Variants in AMN1 observed in about 807,000 individuals in gnomAD.
The protein encoded by AMN1 is protein AMN1 homolog.
Under a neutral mutation model 33.0 loss-of-function variants are expected in AMN1, and 20 were observed. The ratio of observed to expected loss-of-function variants is 0.61; its 90% confidence interval spans 0.43 to 0.88. The LOEUF is 0.88. Among genes scored for constraint, AMN1 ranks in the 40% least tolerant of loss-of-function variants. The probability of loss-of-function intolerance (pLI) is 0.00; values close to 1 mark genes in which losing one functional copy is unlikely to be tolerated. For synonymous variants in AMN1, 114 were observed against 111.9 expected (o/e 1.02, Z -0.12); for missense variants, 246 against 307.4 (o/e 0.80, Z 1.49).
At chr12:31,721,432 T>C (rs1277860798) in intron 1 of AMN1, among the ~76,000 whole-genome samples, 1 of 152,152 alleles carries the variant, frequency 6.6e-6, no homozygotes, top group Non-Finnish European at 1.5e-5. Flanking sequence ...CACTCTGCAT[T>C]CCCCACACTT....
chr12:31,678,522 G>A (rs1020252662), intron 6 of AMN1, among the ~76,000 whole-genome samples: 11 of 151,526 alleles, frequency 7.3e-5, no homozygotes, highest in Non-Finnish European at 1.0e-4. Flanking sequence ...TCAGTCTCCC[G>A]AGTAGCTGGG....
intron 1 of AMN1, among the ~76,000 whole-genome samples, chr12:31,716,433 C>T (rs1433721981): frequency 6.6e-6 from 1 of 152,118 alleles, no homozygotes; most frequent in East Asian, 1.9e-4. Context: ...GCCAGTTTTT[C>T]AAAGTGGTTG....
intron 6 of AMN1, among the ~76,000 whole-genome samples, chr12:31,678,619 A>G (rs554819286): frequency 1.3e-5 from 2 of 152,080 alleles, no homozygotes; most frequent in Admixed American, 6.5e-5. Flanking sequence ...CTGGTCTCGA[A>G]CTCCTGACCT....
chr12:31,703,515 C>A (rs773528019), intron 2 of AMN1, among the ~76,000 whole-genome samples: 1 of 152,098 alleles, frequency 6.6e-6, no homozygotes, highest in African/African-American at 2.4e-5. Flanking sequence ...GTGCACCCAG[C>A]GATTGGCTCC....
chr12:31,690,227 C>G (rs1329764308), intron 5 of AMN1, among the ~76,000 whole-genome samples: 1 of 152,178 alleles, frequency 6.6e-6, no homozygotes, highest in African/African-American at 2.4e-5. Flanking sequence ...CATGTGTGTA[C>G]AAGTATCTTT....
chr12:31,675,659 T>G (rs1951372792), intron 6 of AMN1, among the ~76,000 whole-genome samples: 1 of 151,618 alleles, frequency 6.6e-6, no homozygotes, highest in Non-Finnish European at 1.5e-5. Flanking sequence ...CACGCCCAGC[T>G]AATTTTTTGT....
At chr12:31,717,671 T>C (rs1212642305) in intron 1 of AMN1, among the ~76,000 whole-genome samples, 2 of 152,198 alleles carry the variant, frequency 1.3e-5, no homozygotes, top group African/African-American at 4.8e-5. Context: ...TATCAGAAAC[T>C]GGGATTTCTT....
At chr12:31,692,674 T>G (rs1185815995) in intron 5 of AMN1, among the ~76,000 whole-genome samples, 1 of 152,120 alleles carries the variant, frequency 6.6e-6, no homozygotes, top group Non-Finnish European at 1.5e-5. Context: ...TCCCAATATA[T>G]AATTATTTCT....
At chr12:31,685,536 C>T (rs558720392) in intron 6 of AMN1, among the ~76,000 whole-genome samples, 15 of 152,234 alleles carry the variant, frequency 9.9e-5, no homozygotes, top group Non-Finnish European at 1.8e-4. Flanking sequence ...CGTGGTAGCT[C>T]ACGCTTGTAA....
rs2139663505 is a variant in AMN1, at chr12:31,683,893, AC to A, written c.703+5113del. ...AAATGAGGCTGTCATTTCAAAGAAA[AC>A]AAATGACAGAATTTGTTGTCAGTGA... On this transcript the variant is annotated intron_variant, in intron 6 of 6. Transcript: ENST00000281471. This position sits in a 1 kb window ranked among gnomAD's most constrained non-coding sequence, Gnocchi z 4.1. Among the ~76,000 whole-genome samples, 1 of 152,334 alleles carries A rather than the reference AC, an allele frequency of 6.6e-6. No homozygotes were observed. The highest frequency in any genetic ancestry group is 1.9e-4 in the East Asian group (1 of 5,186).
At chr12:31,672,482 G>A (rs1951299958) in intron 6 of AMN1, 105 bp from the exon 7 acceptor site, 1 of 807,232 alleles carries the variant, frequency 1.2e-6, no homozygotes, top group Non-Finnish European at 2.1e-6. Flanking sequence ...GTTATTTAAA[G>A]GATTAAAGGA....
chr12:31,697,621 G>T, intron 4 of AMN1, 119 bp downstream of exon 4: 1 of 1,156,930 alleles, frequency 8.6e-7, no homozygotes, highest in Non-Finnish European at 1.3e-6. Context: ...CAAAAAGCAT[G>T]AAGTGGTCAA....
intron 3 of AMN1, among the ~76,000 whole-genome samples, chr12:31,699,395 C>CAAAAAAAAAAAAAAAAAAAAAAAAAAAA (rs34860207): frequency 1.4e-4 from 5 of 36,872 alleles, no homozygotes; most frequent in East Asian, 9.9e-4. Context: ...GACTCTGTCT[C>CAAAAAAAAAAAAAAAAAAAAAAAAAAAA]AAAAAAAAAA....
intron 5 of AMN1, among the ~76,000 whole-genome samples, chr12:31,689,477 C>T (rs1185564741): frequency 1.3e-5 from 2 of 152,036 alleles, no homozygotes; most frequent in Admixed American, 1.3e-4. Context: ...AAGTGGAGAA[C>T]GGGAAAATCA....
chr12:31,682,608 G>T (rs1433357138), intron 6 of AMN1, among the ~76,000 whole-genome samples: 1 of 152,130 alleles, frequency 6.6e-6, no homozygotes, highest in African/African-American at 2.4e-5. Context: ...GATAGTAGAC[G>T]TTGAGTGTAG....
In AMN1 at chr12:31,708,432, A is replaced by G. The variant is rs1361198162; in HGVS notation, c.171+861T>C. On this transcript the variant is annotated intron_variant, in intron 2 of 6. Coordinates refer to ENST00000281471, the MANE Select transcript of AMN1 (RefSeq NM_001113402.2). ...CCAGCCCTGGTAAATTTGAGGTCAG[A>G]CTGGTTCTCTGCTCTCGAACCGTTT... is the stretch of plus-strand genomic sequence containing the variant. 3 of 152,368 alleles carry G rather than the reference A, an allele frequency of 2.0e-5. No individual in the cohort carries two copies. In the East Asian group the frequency reaches 5.8e-4, roughly 29 times the overall value. 9.4% of individuals were successfully genotyped at this position (152,368 alleles called of 1,614,324 possible).
chr12:31,720,072 A>G (rs1465300593), intron 1 of AMN1, among the ~76,000 whole-genome samples: 1 of 152,232 alleles, frequency 6.6e-6, no homozygotes, highest in East Asian at 1.9e-4. Flanking sequence ...CATTGTCAAC[A>G]TACATTGCTT....
chr12:31,675,844 A>G lies in AMN1; in HGVS notation c.704-3467T>C, dbSNP rs568669234. Reference sequence around the variant, plus strand: ...CTTGCCATTTCTATCCAACATAGAAATGGCATGTACCAGAGGTTCCAGCCA... The same window carrying G: ...CTTGCCATTTCTATCCAACATAGAAGTGGCATGTACCAGAGGTTCCAGCCA... On this transcript the variant is annotated intron_variant, in intron 6 of 6. Transcript: ENST00000281471. Among the ~76,000 whole-genome samples the G allele has an allele frequency of 3.8e-4, 57 of 151,896 alleles. 1 individual carries two copies. Among genetic ancestry groups the G allele is most frequent in the Admixed American group, 3.1e-3 (47 of 15,280 alleles).
intron 2 of AMN1, among the ~76,000 whole-genome samples, chr12:31,703,462 T>C (rs2139698182): frequency 6.6e-6 from 1 of 152,218 alleles, no homozygotes; most frequent in South Asian, 2.1e-4. Flanking sequence ...CCTTCCTCCC[T>C]TTTGAAGTCC....
Sources: gnomAD v4.1 joint callset for allele counts (sites outside exome capture counted in the v4.1 genomes callset) on GRCh38, gnomAD v4.1.1 for gene constraint, Gnocchi (gnomAD v3.1) non-coding constraint, MANE v1.5 for transcripts, NCBI Gene and HGNC (gene_info 2026-07-23, HGNC 2026-07-21) for gene names.